The following GNG2 variants were observed in gnomAD, a reference collection of about 807,000 sequenced individuals.
GNG2 encodes the protein G protein subunit gamma 2.
Under a neutral mutation model 5.5 loss-of-function variants are expected in GNG2, and 5 were observed. The ratio of observed to expected loss-of-function variants is 0.91; its 90% CI spans 0.48 to 1.92. The LOEUF (loss-of-function observed/expected upper bound fraction) is 1.92. Among genes scored for constraint, GNG2 ranks in the 30% most tolerant of loss-of-function variants. The pLI is 0.01. For missense variants in GNG2, 55 were observed against 88.4 expected (o/e 0.62, Z 1.52); for synonymous variants, 28 against 32.0 (o/e 0.88, Z 0.42).
At chr14:51,842,236 AC>A (rs1399460067) in intron 2 of GNG2, among the ~76,000 whole-genome samples, 2 of 152,244 alleles carry the variant, frequency 1.3e-5, no homozygotes, top group African/African-American at 4.8e-5. Context: ...GCAAGAAGGT[AC>A]AATTAGAATC....
At chr14:51,882,862 T>G (rs555768614) in intron 2 of GNG2, among the ~76,000 whole-genome samples, 2 of 151,920 alleles carry the variant, frequency 1.3e-5, no homozygotes, top group African/African-American at 4.8e-5. Flanking sequence ...ACAAAAAAAT[T>G]AGCTGGACAT....
intron 3 of GNG2, among the ~76,000 whole-genome samples, chr14:51,956,049 T>C (rs1487574123): frequency 2.6e-5 from 4 of 152,194 alleles, no homozygotes; most frequent in African/African-American, 9.6e-5. Context: ...GCATTTGAGC[T>C]GAGAGTATCC....
At chr14:51,964,042 T>C (rs1247156132) in intron 3 of GNG2, among the ~76,000 whole-genome samples, 2 of 152,164 alleles carry the variant, frequency 1.3e-5, no homozygotes, top group Non-Finnish European at 2.9e-5. Context: ...TTAAGAGGAA[T>C]CATACTGGAT....
At chr14:51,829,382 C>T (rs1305007450) in intron 2 of GNG2, among the ~76,000 whole-genome samples, 1 of 152,116 alleles carries the variant, frequency 6.6e-6, no homozygotes, top group Non-Finnish European at 1.5e-5. Flanking sequence ...TGTTACAAGG[C>T]CCCCAAACAC....
intron 2 of GNG2, among the ~76,000 whole-genome samples, chr14:51,895,467 T>A (rs1261903632): frequency 2.0e-5 from 3 of 152,168 alleles, no homozygotes; most frequent in African/African-American, 7.2e-5. Context: ...CAGAGAAAGA[T>A]GCCAAGATGT....
At chr14:51,848,489 C>G (rs903175812) in intron 2 of GNG2, among the ~76,000 whole-genome samples, 1 of 152,180 alleles carries the variant, frequency 6.6e-6, no homozygotes, top group Non-Finnish European at 1.5e-5. Context: ...TGCTTCTGAA[C>G]ACACCCAACT....
chr14:51,925,388 T>C (rs1055410671), intron 2 of GNG2, among the ~76,000 whole-genome samples: 1 of 152,224 alleles, frequency 6.6e-6, no homozygotes, highest in Non-Finnish European at 1.5e-5. Context: ...GACCACTTAG[T>C]ATATGGCAGA....
intron 1 of GNG2, among the ~76,000 whole-genome samples, chr14:51,862,672 C>A (rs1882594763): frequency 6.6e-6 from 1 of 152,232 alleles, no homozygotes; most frequent in South Asian, 2.1e-4. Context: ...TGAAACCTTG[C>A]CCGACGGGCA....
chr14:51,830,139 C>T (rs1881142410), intron 2 of GNG2, among the ~76,000 whole-genome samples: 1 of 152,194 alleles, frequency 6.6e-6, no homozygotes, highest in South Asian at 2.1e-4. Context: ...CCATGCCCAG[C>T]TCACTCCCTA....
At chr14:51,872,209 G>A (rs1479925085) in intron 1 of GNG2, among the ~76,000 whole-genome samples, 3 of 152,046 alleles carry the variant, frequency 2.0e-5, no homozygotes, top group Non-Finnish European at 2.9e-5. Context: ...TAGCCTATAT[G>A]GATTGAAACT....
chr14:51,844,154 G>A (rs1001222745), intron 2 of GNG2, among the ~76,000 whole-genome samples: 1 of 152,192 alleles, frequency 6.6e-6, no homozygotes, highest in African/African-American at 2.4e-5. Flanking sequence ...CAGAAACATG[G>A]AGCAGTTTTA....
intron 2 of GNG2, among the ~76,000 whole-genome samples, chr14:51,832,000 G>C (rs916714636): frequency 1.3e-5 from 2 of 152,148 alleles, no homozygotes; most frequent in African/African-American, 4.8e-5. Flanking sequence ...TGATGGGGAG[G>C]CTGGGCTGGC....
At chr14:51,912,096 G>A (rs1447923316) in intron 2 of GNG2, among the ~76,000 whole-genome samples, 1 of 129,758 alleles carries the variant, frequency 7.7e-6, no homozygotes, top group African/African-American at 3.1e-5. Flanking sequence ...TAAGTAACTT[G>A]CCCAGCATCA....
chr14:51,909,727 A>G (rs149744962), intron 2 of GNG2, among the ~76,000 whole-genome samples: 80 of 152,278 alleles, frequency 5.3e-4, no homozygotes, highest in African/African-American at 1.9e-3. Context: ...TGTGTAGCTC[A>G]TTTGTTAATA....
At chr14:51,828,593 C>G (rs546843121) in intron 2 of GNG2, among the ~76,000 whole-genome samples, 65 of 152,236 alleles carry the variant, frequency 4.3e-4, no homozygotes, top group Non-Finnish European at 4.7e-4. Flanking sequence ...GTCTGACTCA[C>G]GGCCACACTG....
chr14:51,879,138 T>C (rs1445518461), intron 2 of GNG2, among the ~76,000 whole-genome samples: 1 of 152,244 alleles, frequency 6.6e-6, no homozygotes, highest in Non-Finnish European at 1.5e-5. Flanking sequence ...AGAGGTTATT[T>C]GGCATATTCC....
At chr14:51,956,633 T>C (rs1338373582) in intron 3 of GNG2, among the ~76,000 whole-genome samples, 1 of 152,128 alleles carries the variant, frequency 6.6e-6, no homozygotes, top group Non-Finnish European at 1.5e-5. Context: ...AAACACAAAT[T>C]AAAGTTAAGT....
At chr14:51,868,346 C>T (rs1412483024) in intron 1 of GNG2, among the ~76,000 whole-genome samples, 1 of 152,132 alleles carries the variant, frequency 6.6e-6, no homozygotes, top group African/African-American at 2.4e-5. Flanking sequence ...TATCATGTCC[C>T]AACCTCACCT....
At chr14:51,931,117 C>T (rs1199187210) in intron 2 of GNG2, among the ~76,000 whole-genome samples, 1 of 151,926 alleles carries the variant, frequency 6.6e-6, no homozygotes, top group Non-Finnish European at 1.5e-5. Flanking sequence ...AACAAAAGAA[C>T]AGGAAAGAGA....
Sources: gnomAD v4.1 joint callset for allele counts (sites outside exome capture counted in the v4.1 genomes callset) on GRCh38, gnomAD v4.1.1 for gene constraint, MANE v1.5 for transcripts, NCBI Gene and HGNC (gene_info 2026-07-23, HGNC 2026-07-21) for gene names.